TMEM132B: variants seen among roughly 807,000 people sequenced by gnomAD.
TMEM132B encodes transmembrane protein 132B.
TMEM132B carries 18 observed loss-of-function variants against 90.8 expected under a neutral mutation model. The observed-to-expected ratio is 0.20, with a 90% CI of 0.14 to 0.29. The LOEUF (loss-of-function observed/expected upper bound fraction) is 0.29, where lower values mean the gene tolerates loss of function less well. Among genes scored for constraint, TMEM132B ranks in the 10% least tolerant of loss-of-function variants. The probability of loss-of-function intolerance (pLI) is 1.00; values close to 1 mark genes in which losing one functional copy is unlikely to be tolerated. For missense variants in TMEM132B, 1,096 were observed against 1,326.8 expected (o/e 0.83, Z 2.70); for synonymous variants, 504 against 523.3 (o/e 0.96, Z 0.50).
chr12:125,499,959 C>T (rs1183370165), intron 3 of TMEM132B, among the ~76,000 whole-genome samples: 1 of 152,182 alleles, frequency 6.6e-6, no homozygotes, highest in African/African-American at 2.4e-5. Context: ...GACCATCTCA[C>T]CTCATAATCA....
chr12:125,299,567 C>T (rs1387533488), intron 1 of TMEM132B, among the ~76,000 whole-genome samples: 1 of 152,230 alleles, frequency 6.6e-6, no homozygotes, highest in Non-Finnish European at 1.5e-5. Context: ...TCAGGAGCCA[C>T]CTCTAGCCCC....
chr12:125,448,964 C>CTTTTT (rs368984381), intron 3 of TMEM132B, among the ~76,000 whole-genome samples: 4 of 124,716 alleles, frequency 3.2e-5, no homozygotes, highest in Non-Finnish European at 3.4e-5. Flanking sequence ...ATTCATATAT[C>CTTTTT]TTTTTTTTTT....
intron 1 of TMEM132B, among the ~76,000 whole-genome samples, chr12:125,342,405 G>A (rs149970428): frequency 7.1e-4 from 108 of 152,282 alleles, no homozygotes; most frequent in African/African-American, 2.4e-3. Context: ...CCTCTGTTAA[G>A]TGGGATGTGT....
intron 3 of TMEM132B, among the ~76,000 whole-genome samples, chr12:125,428,577 C>A (rs1880402222): frequency 6.6e-6 from 1 of 152,006 alleles, no homozygotes; most frequent in South Asian, 2.1e-4. Context: ...TGCCCCCAAC[C>A]CTCCATCTTC....
chr12:125,515,283 TTCTC>T (rs774197921), intron 3 of TMEM132B, among the ~76,000 whole-genome samples: 64 of 150,112 alleles, frequency 4.3e-4, no homozygotes, highest in African/African-American at 1.5e-3. Flanking sequence ...CACACACAAA[TTCTC>T]TCACACACTC....
intron 4 of TMEM132B, among the ~76,000 whole-genome samples, chr12:125,529,475 C>G (rs963166954): frequency 1.3e-5 from 2 of 152,170 alleles, no homozygotes; most frequent in African/African-American, 4.8e-5. Flanking sequence ...CCAACAGGGA[C>G]TTGACTCTTG....
intron 1 of TMEM132B, among the ~76,000 whole-genome samples, chr12:125,208,476 C>T (rs1351700547): frequency 6.6e-6 from 1 of 152,224 alleles, no homozygotes; most frequent in African/African-American, 2.4e-5. Context: ...CCCTGGAAAC[C>T]ACCCATCTGC....
intron 4 of TMEM132B, among the ~76,000 whole-genome samples, chr12:125,520,622 TG>T (rs1883284420): frequency 6.6e-6 from 1 of 152,180 alleles, no homozygotes. Flanking sequence ...TCTCTGACCT[TG>T]TTGGCTAAAA....
At chr12:125,421,084 A>G (rs1427424899) in intron 3 of TMEM132B, among the ~76,000 whole-genome samples, 2 of 152,232 alleles carry the variant, frequency 1.3e-5, no homozygotes, top group Non-Finnish European at 2.9e-5. Flanking sequence ...GGTCAAAGCC[A>G]TTCAACAAAT....
intron 3 of TMEM132B, among the ~76,000 whole-genome samples, chr12:125,508,639 G>A (rs142451862): frequency 3.5e-4 from 54 of 152,304 alleles, no homozygotes; most frequent in African/African-American, 1.2e-3. Flanking sequence ...TATTAGGCAT[G>A]TAGAGGATCC....
At chr12:125,500,704 A>G (rs77933647) in intron 3 of TMEM132B, among the ~76,000 whole-genome samples, 4,717 of 152,264 alleles carry the variant, frequency 0.031, 148 homozygotes, top group African/African-American at 0.079. Flanking sequence ...GGAAGAGTAA[A>G]GTCTGAATGG....
chr12:125,640,628 T>A (rs1476861723), intron 5 of TMEM132B, among the ~76,000 whole-genome samples: 1 of 151,782 alleles, frequency 6.6e-6, no homozygotes, highest in Admixed American at 6.6e-5. Context: ...AGGACAGAGG[T>A]GATCCAAGCA....
intron 5 of TMEM132B, among the ~76,000 whole-genome samples, chr12:125,635,366 C>A (rs576108506): frequency 1.3e-5 from 2 of 152,090 alleles, no homozygotes; most frequent in Non-Finnish European, 2.9e-5. Flanking sequence ...TGTTCAACTC[C>A]CACTTATGAG....
intron 2 of TMEM132B, among the ~76,000 whole-genome samples, chr12:125,400,753 G>C (rs548461249): frequency 6.6e-6 from 1 of 152,338 alleles, no homozygotes; most frequent in South Asian, 2.1e-4. Context: ...CCAATTAAAA[G>C]TATCCTTGCA....
At chr12:125,454,476 C>T (rs983920031) in intron 3 of TMEM132B, among the ~76,000 whole-genome samples, 1 of 151,970 alleles carries the variant, frequency 6.6e-6, no homozygotes, top group African/African-American at 2.4e-5. Flanking sequence ...AGAATGAACA[C>T]CCCCTCTGTA....
At chr12:125,515,969 GACAC>G (rs61101910) in intron 3 of TMEM132B, among the ~76,000 whole-genome samples, 26,865 of 151,226 alleles carry the variant, frequency 0.18, 3,325 homozygotes, top group East Asian at 0.46. Flanking sequence ...CTCTTGTGCC[GACAC>G]ACACACATGC....
chr12:125,210,929 C>G (rs991977517), intron 1 of TMEM132B, among the ~76,000 whole-genome samples: 11 of 152,180 alleles, frequency 7.2e-5, no homozygotes, highest in African/African-American at 1.7e-4. Flanking sequence ...TGCCACTGCA[C>G]TCTAGCCTGG....
chr12:125,528,343 T>G (rs530906955), intron 4 of TMEM132B, among the ~76,000 whole-genome samples: 1 of 152,320 alleles, frequency 6.6e-6, no homozygotes, highest in East Asian at 1.9e-4. Flanking sequence ...AACCACATTA[T>G]CTTTCAAAAA....
In TMEM132B at chr12:125,658,326, G is replaced by C. The variant is rs891459848; in HGVS notation, c.*3616G>C. ...CATTCTTGTTTCATTATTTTAGAAAGGGGTCTTCCCATTACTGGGATGTCG... is the reference window on the plus strand; with the variant it reads ...CATTCTTGTTTCATTATTTTAGAAACGGGTCTTCCCATTACTGGGATGTCG... On this transcript the variant is annotated 3_prime_UTR_variant, in exon 9 of 9. Transcript: ENST00000682704. The C allele has an allele frequency of 6.6e-6, 1 of 152,204 alleles. No homozygotes were observed. The highest frequency in any genetic ancestry group is 1.5e-5 in the Non-Finnish European group (1 of 68,040). 9.4% of individuals were successfully genotyped at this position (152,204 alleles called of 1,614,324 possible).
Sources: gnomAD v4.1 joint callset for allele counts (sites outside exome capture counted in the v4.1 genomes callset) on GRCh38, gnomAD v4.1.1 for gene constraint, MANE v1.5 for transcripts, NCBI Gene and HGNC (gene_info 2026-07-23, HGNC 2026-07-21) for gene names.